Variants in TRUB2 observed in about 807,000 individuals in gnomAD.
TRUB2 encodes pseudouridylate synthase TRUB2, mitochondrial.
TRUB2 carries 31 observed loss-of-function variants against 31.9 expected under a neutral mutation model. The observed-to-expected ratio is 0.97, with a 90% CI of 0.73 to 1.31. The LOEUF is 1.31. Among genes scored for constraint, TRUB2 ranks in the 50% most tolerant of loss-of-function variants. The pLI, the probability that TRUB2 is intolerant of heterozygous loss-of-function variation, is 0.00. For synonymous variants in TRUB2, 201 were observed against 182.6 expected (o/e 1.10, Z -0.81); for missense variants, 451 against 439.6 (o/e 1.03, Z -0.23).
chr9:128,308,594 C>G lies in TRUB2; in HGVS notation c.*956G>C, dbSNP rs1416021614. 1 of 151,978 alleles carries G rather than the reference C, an allele frequency of 6.6e-6. No individual in the cohort carries two copies. Among genetic ancestry groups the G allele is most frequent in the Non-Finnish European group, 1.5e-5 (1 of 68,024 alleles). The allele number at this position is 151,978 out of a possible 1,614,324, so 9.4% of individuals were successfully genotyped here. On this transcript the variant is annotated 3_prime_UTR_variant, in exon 8 of 8. Coordinates refer to ENST00000372890, the MANE Select transcript of TRUB2 (RefSeq NM_015679.3). ...CAGTCAATGGGTAGACTTTGAGTCA[C>G]GCTGATTATCCACCACAATTGTGGG...
intron 2 of TRUB2, among the ~76,000 whole-genome samples, chr9:128,317,682 C>A (rs950113097): frequency 6.6e-6 from 1 of 152,154 alleles, no homozygotes; most frequent in African/African-American, 2.4e-5. Context: ...TAAGAGGAAT[C>A]TAGGGGAAGA....
intron 2 of TRUB2, 103 bp from the exon 3 acceptor site, chr9:128,317,329 C>A: frequency 1.9e-6 from 2 of 1,036,724 alleles, no homozygotes; most frequent in South Asian, 1.4e-5. Flanking sequence ...TCATGGAGCC[C>A]AAACTAGCAT....
chr9:128,318,509 T>G (rs115327033), intron 2 of TRUB2, among the ~76,000 whole-genome samples: 4,844 of 150,846 alleles, frequency 0.032, 239 homozygotes, highest in African/African-American at 0.11. Flanking sequence ...ACTGTTTTTT[T>G]TTTGTGTGTG....
At chr9:128,318,776 C>T (rs1443133062) in intron 2 of TRUB2, among the ~76,000 whole-genome samples, 1 of 151,896 alleles carries the variant, frequency 6.6e-6, no homozygotes, top group African/African-American at 2.4e-5. Flanking sequence ...TCAAGTGATC[C>T]GCCTGCCTCG....
chr9:128,309,517 A>C lies in TRUB2; in HGVS notation c.*33T>G, dbSNP rs1200674577. On this transcript the variant is annotated 3_prime_UTR_variant, in exon 8 of 8. Transcript: ENST00000372890. ...CCAGCTCATAGCAGTTCTTCTATTT[A>C]TCCATCCACTGCCCCAGGAGCTGCC... 6.3e-7 allele frequency: 1 copy of C among 1,584,344 alleles called. No individual in the cohort carries two copies. The highest frequency in any genetic ancestry group is 1.7e-5 in the Admixed American group (1 of 57,812).
chr9:128,307,489 GGAA>G lies in TRUB2; in HGVS notation c.*2058_*2060del, dbSNP rs1369577305. On this transcript the variant is annotated 3_prime_UTR_variant, in exon 8 of 8. Transcript: ENST00000372890. ...CTCATGCCTATATTCCCAGTACTTT[GGAA>G]GGCCGAGGTAGGCGGATCACCTCAG... is the stretch of plus-strand genomic sequence containing the variant. The G allele has an allele frequency of 6.6e-6, 1 of 151,792 alleles. No homozygotes were observed. Among genetic ancestry groups the G allele is most frequent in the African/African-American group, 2.4e-5 (1 of 41,294 alleles). The allele number at this position is 151,792 out of a possible 1,614,324, so 9.4% of individuals were successfully genotyped here. A position where few individuals can be genotyped will look rare whatever the true frequency, so the allele number is the denominator to read the frequency against.
intron 2 of TRUB2, among the ~76,000 whole-genome samples, chr9:128,320,239 G>A (rs1564386653): frequency 6.6e-6 from 1 of 151,906 alleles, no homozygotes; most frequent in Non-Finnish European, 1.5e-5. Flanking sequence ...CACAGTCTCG[G>A]CTCACTGCAG....
intron 6 of TRUB2, 47 bp downstream of exon 6, chr9:128,311,482 A>G: frequency 6.3e-7 from 1 of 1,597,224 alleles, no homozygotes; most frequent in East Asian, 2.2e-5. Context: ...TACGGGAGCC[A>G]AGGGCACTTA....
In TRUB2 at chr9:128,322,376, C is replaced by A. The variant is rs755280610; in HGVS notation, c.33G>T (p.Gly11=). 8 of 1,614,020 alleles carry A rather than the reference C, an allele frequency of 5.0e-6. No individual in the cohort carries two copies. The highest frequency in any genetic ancestry group is 6.8e-6 in the Non-Finnish European group (8 of 1,180,046). ...CCGGGGGCTTATAGACCGCGAAAAG[C>A]CCATGCAGCCGCGACAAGCCAGCAG... is the stretch of plus-strand genomic sequence containing the variant. The part of the protein sequence containing the change: MGSAGLSRLH[G]LFAVYKPPGL... Residue 11 remains glycine (G), a synonymous_variant, in exon 1 of 8, where the codon GGG becomes GGT. Transcript: ENST00000372890.
At chr9:128,319,412 A>T (rs2131454592) in intron 2 of TRUB2, among the ~76,000 whole-genome samples, 1 of 151,354 alleles carries the variant, frequency 6.6e-6, no homozygotes, top group South Asian at 2.1e-4. Context: ...GACTGCTTGA[A>T]CTCAGGAGGC....
rs1832180385 is a variant in TRUB2, at chr9:128,321,674, G to A, written c.166C>T (p.Pro56Ser). ...TCCTTCTCTTCGCTGCCTTCCATGG[G>A]GCCCAGCAAGAAGCGAACACGCTGT... ...PKQRVRFLLG[P>S]MEGSEEKELT... is the part of the protein sequence containing the mutation. Residue 56 changes from proline (P) to serine (S), a missense_variant, in exon 2 of 8, where the codon CCC (proline) becomes TCC (serine). Coordinates refer to ENST00000372890, the MANE Select transcript of TRUB2 (RefSeq NM_015679.3). 1 of 1,613,908 alleles carries A rather than the reference G, an allele frequency of 6.2e-7. No individual in the cohort carries two copies. Among genetic ancestry groups the A allele is most frequent in the Non-Finnish European group, 8.5e-7 (1 of 1,180,028 alleles).
chr9:128,315,452 A>C (rs1306940968), intron 4 of TRUB2, 115 bp downstream of exon 4: 11 of 1,029,856 alleles, frequency 1.1e-5, no homozygotes, highest in Admixed American at 6.6e-5. Flanking sequence ...TCATCAAAAA[A>C]ATGCTTGCTT....
rs1413626143 is a variant in TRUB2, at chr9:128,308,782, G to A, written c.*768C>T. On this transcript the variant is annotated 3_prime_UTR_variant, in exon 8 of 8. Transcript: ENST00000372890. ...AAAAATTAGCCAGGTGTGGTGGCGG[G>A]CGCCTGTGACCCCAGCTACTTGGGA... 1 of 151,552 alleles carries A rather than the reference G, an allele frequency of 6.6e-6. No homozygotes were observed. The highest frequency in any genetic ancestry group is 1.5e-5 in the Non-Finnish European group (1 of 67,922). 9.4% of individuals were successfully genotyped at this position (151,552 alleles called of 1,614,324 possible).
In TRUB2 at chr9:128,322,412, TGAA is replaced by T. The variant is rs1832209250; in HGVS notation, c.-7_-5del. The T allele has an allele frequency of 6.2e-7, 1 of 1,613,860 alleles. No homozygotes were observed. Among genetic ancestry groups the T allele is most frequent in the African/African-American group, 1.3e-5 (1 of 74,898 alleles). The stretch of plus-strand genomic sequence containing the variant: ...GCGACAAGCCAGCAGACCCCATACT[TGAA>T]GATCACAGCACCCGCTGGACCTGGA... On this transcript the variant is annotated 5_prime_UTR_variant, in exon 1 of 8. Transcript: ENST00000372890.
rs1418339503 is a variant in TRUB2, at chr9:128,309,575, CCCAA to C, written c.967_970del (p.Leu323GlyfsTer30). ...TCACTGCCCCGCACCCCTCTCCAGCCCCAAGGTAGAGCTCGGGCCCTGGGAGTCC... is the reference window on the plus strand; with the variant it reads ...TCACTGCCCCGCACCCCTCTCCAGCCGGTAGAGCTCGGGCCCTGGGAGTCC... On this transcript the variant is annotated frameshift_variant, in exon 8 of 8. Coordinates refer to ENST00000372890, the MANE Select transcript of TRUB2 (RefSeq NM_015679.3). LOFTEE classifies it high-confidence loss of function. 2 of 1,612,822 alleles carry C rather than the reference CCCAA, an allele frequency of 1.2e-6. No homozygotes were observed. The highest frequency in any genetic ancestry group is 3.3e-5 in the Admixed American group (2 of 59,964).
rs565235166 is a variant in TRUB2 at position 128,319,109 on chromosome 9, G to A, written c.242-1883C>T. Among the ~76,000 whole-genome samples the A allele has an allele frequency of 4.6e-5, 7 of 151,964 alleles. No homozygotes were observed. In the South Asian group the frequency reaches 1.0e-3, roughly 23 times the overall value. On this transcript the variant is annotated intron_variant, in intron 2 of 7. Coordinates refer to ENST00000372890, the MANE Select transcript of TRUB2 (RefSeq NM_015679.3). ...TGGGAGGCCGAGGCGGGTGGATCAC[G>A]AGGTCAGGAGATCGAGACTATCCTG...
In TRUB2 at chr9:128,307,692, A is replaced by G. The variant is rs1831890006; in HGVS notation, c.*1858T>C. The G allele has an allele frequency of 6.6e-6, 1 of 152,134 alleles. No homozygotes were observed. Among genetic ancestry groups the G allele is most frequent in the African/African-American group, 2.4e-5 (1 of 41,384 alleles). 9.4% of individuals were successfully genotyped at this position (152,134 alleles called of 1,614,324 possible). On this transcript the variant is annotated 3_prime_UTR_variant, in exon 8 of 8. Coordinates refer to ENST00000372890, the MANE Select transcript of TRUB2 (RefSeq NM_015679.3). ...GGCTGCAATGAGTTGAAACCGCGCC[A>G]CTGCACTCTAGCCTGGGCGACAGTG...
chr9:128,317,415 G>A (rs1370292443), intron 2 of TRUB2, among the ~76,000 whole-genome samples, 189 bp from the exon 3 acceptor site: 1 of 152,104 alleles, frequency 6.6e-6, no homozygotes, highest in Non-Finnish European at 1.5e-5. Context: ...GGGATCCAAA[G>A]GGCAGCCCAA....
intron 5 of TRUB2, among the ~76,000 whole-genome samples, chr9:128,313,490 C>T (rs1452036680): frequency 2.1e-5 from 3 of 141,826 alleles, no homozygotes; most frequent in Non-Finnish European, 3.0e-5. Context: ...GAGCTGAGAT[C>T]GTGCCACTGC....
Sources: gnomAD v4.1 joint callset for allele counts (sites outside exome capture counted in the v4.1 genomes callset) on GRCh38, gnomAD v4.1.1 for gene constraint, MANE v1.5 for transcripts, NCBI Gene and HGNC (gene_info 2026-07-23, HGNC 2026-07-21) for gene names.